CCAR2: variants seen among roughly 807,000 people sequenced by gnomAD.
CCAR2 encodes cell cycle and apoptosis regulator protein 2.
A neutral mutation model predicts 108.1 loss-of-function variants in CCAR2; 21 were observed. That is an observed-to-expected ratio of 0.19 (90% CI 0.14 to 0.28). CCAR2 has a LOEUF of 0.28. CCAR2 is among the 10% of genes least tolerant of loss of function. CCAR2 has a pLI of 1.00. For synonymous variants in CCAR2, 577 were observed against 472.8 expected, an observed-to-expected ratio of 1.22 and a Z score of -2.86; for missense variants, 1,126 against 1,177.0, an observed-to-expected ratio of 0.96 and a Z score of 0.63.
Position 22,619,970 on chromosome 8 carries a change from A to AGTCTT in CCAR2, c.*291_*295dup, listed in dbSNP as rs750790384. ...TTGGTATTTCTCCTGGGGCCCTTTTAGTCTTGTGCTGACTTTCTCCTGTCC... is the reference window on the plus strand; with the variant it reads ...TTGGTATTTCTCCTGGGGCCCTTTTAGTCTTGTCTTGTGCTGACTTTCTCCTGTCC... On this transcript the variant is annotated 3_prime_UTR_variant, in exon 21 of 21. Coordinates refer to ENST00000308511, the MANE Select transcript of CCAR2 (RefSeq NM_001393997.1). 62 of 477,316 alleles carry AGTCTT rather than the reference A, an allele frequency of 1.3e-4. No homozygotes were observed. Among genetic ancestry groups the AGTCTT allele is most frequent in the African/African-American group, 4.3e-4 (22 of 51,290 alleles). The allele number at this position is 477,316 out of a possible 1,614,324, so 29.6% of individuals were successfully genotyped here. A position where few individuals can be genotyped will look rare whatever the true frequency, so the allele number is the denominator to read the frequency against.
In CCAR2 at chr8:22,619,593, C is replaced by T. The variant is rs200649466; in HGVS notation, c.2728-45C>T. 3.9e-6 allele frequency: 6 copies of T among 1,550,246 alleles called. No homozygotes were observed. The African/African-American group carries it at 8.3e-5, about 21-fold the overall frequency. ...AGTCCGCAGTCCGCAGTCCTCAGAT[C>T]ACCTTGCCAGGCCCGATTCTGGGTA... On this transcript the variant is annotated intron_variant, in intron 20 of 20. Coordinates refer to ENST00000308511, the MANE Select transcript of CCAR2 (RefSeq NM_001393997.1).
chr8:22,617,798 A>ACT lies in CCAR2; in HGVS notation c.2073+23_2073+24dup. ...GACATGGTGAGGCCTCTTCTCGACC[A>ACT]CTCTGGGTCTCAGTGGTGGTGAGGC... is the stretch of plus-strand genomic sequence containing the variant. On this transcript the variant is annotated intron_variant, in intron 16 of 20. Coordinates refer to ENST00000308511, the MANE Select transcript of CCAR2 (RefSeq NM_001393997.1). The ACT allele has an allele frequency of 6.2e-7, 1 of 1,610,184 alleles. No individual in the cohort carries two copies. The highest frequency in any genetic ancestry group is 8.5e-7 in the Non-Finnish European group (1 of 1,178,700).
downstream of CCAR2, chr8:22,621,494 A>G: frequency 6.2e-7 from 1 of 1,613,958 alleles, no homozygotes; most frequent in Non-Finnish European, 8.5e-7. Context: ...CCCGCTGCTC[A>G]TCGGAGTGGC....
intron 8 of CCAR2, 135 bp downstream of exon 8, chr8:22,613,271 T>G (rs1313642313): frequency 1.1e-6 from 1 of 939,272 alleles, no homozygotes; most frequent in Non-Finnish European, 1.4e-6. Flanking sequence ...CATGGAAACC[T>G]GTTGTACATA....
At chr8:22,617,828 C>T in intron 16 of CCAR2, 50 bp downstream of exon 16, 2 of 1,585,708 alleles carry the variant, frequency 1.3e-6, no homozygotes, top group Non-Finnish European at 1.7e-6. Context: ...TGAGGCTTGG[C>T]AAGGCCTCTG....
chr8:22,617,872 CTTCCT>C, intron 16 of CCAR2, 94 bp downstream of exon 16: 1 of 1,315,444 alleles, frequency 7.6e-7, no homozygotes, highest in Non-Finnish European at 1.1e-6. Flanking sequence ...TTACCAGTGA[CTTCCT>C]TTCTTGATGG....
chr8:22,612,872 T>C, intron 7 of CCAR2, 145 bp from the exon 8 acceptor site: 1 of 847,324 alleles, frequency 1.2e-6, no homozygotes, highest in African/African-American at 1.7e-5. Context: ...CTTTATAACA[T>C]TCTGTCATAT....
rs755178284 is a variant in CCAR2, at chr8:22,614,329, G to A, written c.927+15G>A. 38 of 1,613,756 alleles carry A rather than the reference G, an allele frequency of 2.4e-5. No individual in the cohort carries two copies. The Admixed American group carries it at 3.8e-4, about 16-fold the overall frequency. ...ATAGTTCGAAGGTAAGCTGACAGGCGTCTCTCACTTATCTGATTTCTGGAG... is the reference window on the plus strand; with the variant it reads ...ATAGTTCGAAGGTAAGCTGACAGGCATCTCTCACTTATCTGATTTCTGGAG... On this transcript the variant is annotated intron_variant, in intron 9 of 20. Coordinates refer to ENST00000308511, the MANE Select transcript of CCAR2 (RefSeq NM_001393997.1).
In CCAR2 at chr8:22,618,329, C is replaced by T. The variant is rs1043438135; in HGVS notation, c.2074-20C>T. On this transcript the variant is annotated intron_variant, in intron 16 of 20. Transcript: ENST00000308511. ...GAGGGAACTATTTGCAAATCCTGCTCATCTTTGTTTTCTTTGCAGCCCAAG... is the reference window on the plus strand; with the variant it reads ...GAGGGAACTATTTGCAAATCCTGCTTATCTTTGTTTTCTTTGCAGCCCAAG... The T allele has an allele frequency of 4.3e-6, 7 of 1,613,892 alleles. No homozygotes were observed. Among genetic ancestry groups the T allele is most frequent in the Non-Finnish European group, 5.9e-6 (7 of 1,179,902 alleles).
In CCAR2 at chr8:22,615,651, C is replaced by T. The variant is rs201838820; in HGVS notation, c.1378-31C>T. The T allele has an allele frequency of 2.0e-5, 32 of 1,613,682 alleles. No homozygotes were observed. The African/African-American group carries it at 4.0e-4, about 20-fold the overall frequency. ...GATATAGGTGGCCTAATCCCGGGAC[C>T]CAGAGGGTCTCATTTCAGCTGTTGT... On this transcript the variant is annotated intron_variant, in intron 12 of 20. Coordinates refer to ENST00000308511, the MANE Select transcript of CCAR2 (RefSeq NM_001393997.1).
intron 1 of CCAR2, 119 bp downstream of exon 1, chr8:22,604,961 C>G (rs902541657): frequency 3.0e-6 from 1 of 331,336 alleles, no homozygotes; most frequent in Admixed American, 4.2e-5. Flanking sequence ...GGCCGAGCCC[C>G]TCTTTGGACT....
chr8:22,607,468 T>TTG, intron 6 of CCAR2, 143 bp downstream of exon 6: 1 of 106,472 alleles, frequency 9.4e-6, no homozygotes, highest in Non-Finnish European at 1.6e-5. Flanking sequence ...GTGTTTAGGG[T>TTG]TTTTTTTTTT....
intron 7 of CCAR2, 54 bp downstream of exon 7, chr8:22,608,119 T>C: frequency 7.3e-7 from 1 of 1,364,378 alleles, no homozygotes; most frequent in African/African-American, 1.5e-5. Flanking sequence ...ACATTCTCTT[T>C]ATTTTATTAT....
intron 17 of CCAR2, 24 bp downstream of exon 17, chr8:22,618,519 C>T (rs752437507): frequency 2.5e-6 from 4 of 1,614,152 alleles, no homozygotes; most frequent in Non-Finnish European, 3.4e-6. Flanking sequence ...TCTGCCCCAG[C>T]ACATGGGCAC....
chr8:22,606,378 G>A (rs1332026378), intron 3 of CCAR2, among the ~76,000 whole-genome samples: 2 of 152,298 alleles, frequency 1.3e-5, no homozygotes, highest in African/African-American at 4.8e-5. Flanking sequence ...TTACGTCTTG[G>A]AATTAATGAA....
intron 6 of CCAR2, 128 bp from the exon 7 acceptor site, chr8:22,607,841 G>C: frequency 1.4e-6 from 1 of 705,852 alleles, no homozygotes; most frequent in Non-Finnish European, 2.4e-6. Context: ...CGCCAGGCTA[G>C]TCTTGAACTC....
At chr8:22,615,328 T>G in intron 11 of CCAR2, 97 bp from the exon 12 acceptor site, 5 of 1,421,508 alleles carry the variant, frequency 3.5e-6, no homozygotes, top group African/African-American at 1.4e-5. Flanking sequence ...TGTGTGCTCA[T>G]TGAGTGCTGA....
rs1801118266 is a variant in CCAR2 at position 22,607,450 on chromosome 8, C to T, written c.487+125C>T. 19 of 931,976 alleles carry T rather than the reference C, an allele frequency of 2.0e-5. No individual in the cohort carries two copies. In the East Asian group the frequency reaches 2.2e-4, roughly 11 times the overall value. 57.7% of individuals were successfully genotyped at this position (931,976 alleles called of 1,614,324 possible). A position where few individuals can be genotyped will look rare whatever the true frequency, so the allele number is the denominator to read the frequency against. ...ATGTACTGGAAGAAAGGTGGGCAATCTGGATAGGTGTTTAGGGTTTTTTTT... is the reference window on the plus strand; with the variant it reads ...ATGTACTGGAAGAAAGGTGGGCAATTTGGATAGGTGTTTAGGGTTTTTTTT... On this transcript the variant is annotated intron_variant, in intron 6 of 20. Transcript: ENST00000308511.
intron 7 of CCAR2, among the ~76,000 whole-genome samples, chr8:22,610,219 C>T (rs1440104884): frequency 6.6e-6 from 1 of 152,206 alleles, no homozygotes; most frequent in African/African-American, 2.4e-5. Context: ...CATTCTGGGG[C>T]AGCAACTTTT....
Sources: allele counts gnomAD v4.1 joint callset (sites outside exome capture counted in the v4.1 genomes callset), GRCh38; gene constraint gnomAD v4.1.1; transcripts MANE v1.5; gene names NCBI Gene and HGNC (gene_info 2026-07-23, HGNC 2026-07-21).